The following GDAP2 variants were observed in gnomAD, a reference collection of about 807,000 sequenced individuals.
The protein encoded by GDAP2 is ganglioside induced differentiation associated protein 2.
Under a neutral mutation model 67.0 loss-of-function variants are expected in GDAP2, and 51 were observed. The observed-to-expected ratio is 0.76, with a 90% CI of 0.61 to 0.96. The LOEUF is 0.96. GDAP2 is among the 40% of genes least tolerant of loss of function. The pLI is 0.00. For missense variants in GDAP2, 547 were observed against 588.3 expected, an observed-to-expected ratio of 0.93 and a Z score of 0.73; for synonymous variants, 203 against 207.3, an observed-to-expected ratio of 0.98 and a Z score of 0.18.
chr1:117,901,488 T>A (rs1157021536), intron 6 of GDAP2, among the ~76,000 whole-genome samples: 1 of 152,218 alleles, frequency 6.6e-6, no homozygotes, highest in South Asian at 2.1e-4. Context: ...CAATTAACTA[T>A]CTACGAGGGT....
chr1:117,923,087 C>T lies in GDAP2; in HGVS notation c.-67-2663G>A, dbSNP rs183593880. On this transcript the variant is annotated intron_variant, in intron 1 of 13. Coordinates refer to ENST00000369443, the MANE Select transcript of GDAP2 (RefSeq NM_017686.4). Reference sequence around the variant, plus strand: ...TAAGAGAAATATGGCTCTGTCCTGCCCTGCCCACAGGCAGCCACACTTTAA... The same window carrying T: ...TAAGAGAAATATGGCTCTGTCCTGCTCTGCCCACAGGCAGCCACACTTTAA... Among the ~76,000 whole-genome samples, 1,406 of 152,316 alleles carry T rather than the reference C, an allele frequency of 9.2e-3. 11 individuals carry two copies. Among genetic ancestry groups the T allele is most frequent in the Non-Finnish European group, 0.015 (1,027 of 68,026 alleles).
chr1:117,916,056 C>T (rs1003188373), intron 3 of GDAP2, among the ~76,000 whole-genome samples: 5 of 152,170 alleles, frequency 3.3e-5, no homozygotes, highest in Non-Finnish European at 1.5e-5. Context: ...TAATAAAAGA[C>T]ATACAGTTCT....
chr1:117,894,796 G>C (rs182566819), intron 8 of GDAP2, among the ~76,000 whole-genome samples: 35 of 152,170 alleles, frequency 2.3e-4, no homozygotes, highest in African/African-American at 8.4e-4. Context: ...GACATTTCAA[G>C]AAAAATAATC....
intron 8 of GDAP2, among the ~76,000 whole-genome samples, chr1:117,891,189 G>A (rs1157557332): frequency 6.7e-6 from 1 of 149,090 alleles, no homozygotes. Context: ...CTCTCTCACT[G>A]ATGGGCACTT....
chr1:117,926,329 T>C (rs147434766), intron 1 of GDAP2, among the ~76,000 whole-genome samples: 1 of 152,340 alleles, frequency 6.6e-6, no homozygotes, highest in East Asian at 1.9e-4. Context: ...TTCTTTGACA[T>C]TATACCCTGG....
At chr1:117,876,925 A>C (rs1000379941) in intron 13 of GDAP2, among the ~76,000 whole-genome samples, 1 of 152,186 alleles carries the variant, frequency 6.6e-6, no homozygotes, top group Admixed American at 6.5e-5. Flanking sequence ...AGTGCCTTTC[A>C]CATTTTCTGC....
chr1:117,872,864 A>G (rs1296977296), intron 13 of GDAP2, among the ~76,000 whole-genome samples: 2 of 152,200 alleles, frequency 1.3e-5, no homozygotes. Flanking sequence ...AATTTTATAT[A>G]AAAAAGAAAT....
chr1:117,877,191 T>C (rs1400748666), intron 13 of GDAP2: 6 of 630,380 alleles, frequency 9.5e-6, no homozygotes, highest in African/African-American at 5.9e-5. Context: ...AAAAAAATTA[T>C]AGCTAAAGTT....
chr1:117,917,321 G>A (rs1650083321), intron 3 of GDAP2, among the ~76,000 whole-genome samples: 1 of 152,216 alleles, frequency 6.6e-6, no homozygotes, highest in South Asian at 2.1e-4. Context: ...TGTAAAAAGG[G>A]GATAGGATTA....
At chr1:117,901,161 TG>T (rs1237231166) in intron 6 of GDAP2, among the ~76,000 whole-genome samples, 2 of 152,246 alleles carry the variant, frequency 1.3e-5, no homozygotes, top group Non-Finnish European at 2.9e-5. Flanking sequence ...TCACCCATGT[TG>T]TAGCATGTAT....
rs1648200113 is a variant in GDAP2 at position 117,870,014 on chromosome 1, T to C, written c.*555A>G. 6.5e-6 allele frequency: 1 copy of C among 152,702 alleles called. No homozygotes were observed. Among genetic ancestry groups the C allele is most frequent in the Non-Finnish European group, 1.5e-5 (1 of 68,432 alleles). The allele number at this position is 152,702 out of a possible 1,614,324, so 9.5% of individuals were successfully genotyped here. A position where few individuals can be genotyped will look rare whatever the true frequency, so the allele number is the denominator to read the frequency against. ...GTACATTAACATTCTAAGTCCTATG[T>C]TTTGCTAATGATTTTGATGTTTTTT... is the stretch of plus-strand genomic sequence containing the variant. On this transcript the variant is annotated 3_prime_UTR_variant, in exon 14 of 14. Coordinates refer to ENST00000369443, the MANE Select transcript of GDAP2 (RefSeq NM_017686.4).
In GDAP2 at chr1:117,870,544, C is replaced by A. The variant is rs1303314552; in HGVS notation, c.*25G>T. 2.0e-6 allele frequency: 3 copies of A among 1,503,304 alleles called. No homozygotes were observed. The highest frequency in any genetic ancestry group is 2.8e-6 in the Non-Finnish European group (3 of 1,079,412). 93.1% of individuals were successfully genotyped at this position (1,503,304 alleles called of 1,614,324 possible). A position where few individuals can be genotyped will look rare whatever the true frequency, so the allele number is the denominator to read the frequency against. On this transcript the variant is annotated 3_prime_UTR_variant, in exon 14 of 14. Transcript: ENST00000369443. ...CGTGGAGGAAGTGGCATCCTGGGAACCAAGAAGCACTGAAAGATGGCAGGT... is the reference window on the plus strand; with the variant it reads ...CGTGGAGGAAGTGGCATCCTGGGAAACAAGAAGCACTGAAAGATGGCAGGT...
intron 11 of GDAP2, 120 bp downstream of exon 11, chr1:117,883,368 T>A: frequency 1.4e-6 from 1 of 694,648 alleles, no homozygotes; most frequent in Non-Finnish European, 2.4e-6. Context: ...AATCTAGGTA[T>A]GATAAAAGTC....
chr1:117,871,266 T>C (rs142932675), intron 13 of GDAP2, among the ~76,000 whole-genome samples: 75 of 152,322 alleles, frequency 4.9e-4, no homozygotes, highest in African/African-American at 1.7e-3. Flanking sequence ...AAACCTTTAA[T>C]GTCAATGTAA....
chr1:117,873,597 C>T (rs1648360796), intron 13 of GDAP2, among the ~76,000 whole-genome samples: 1 of 152,132 alleles, frequency 6.6e-6, no homozygotes, highest in Non-Finnish European at 1.5e-5. Flanking sequence ...TAACATGCAG[C>T]TACCTACTGG....
intron 13 of GDAP2, among the ~76,000 whole-genome samples, chr1:117,870,919 T>G (rs1184681481): frequency 1.3e-5 from 2 of 152,180 alleles, no homozygotes; most frequent in African/African-American, 4.8e-5. Context: ...TGCCATGAAG[T>G]AGGTAACATC....
At position 117,918,636 on chromosome 1, in the gene GDAP2, C is replaced by A. The variant is rs775040148; in HGVS notation, c.277G>T (p.Ala93Ser). The A allele has an allele frequency of 2.5e-5, 41 of 1,610,004 alleles. No individual in the cohort carries two copies. Among genetic ancestry groups the A allele is most frequent in the Non-Finnish European group, 3.5e-5 (41 of 1,176,504 alleles). Residue 93 changes from alanine (A) to serine (S), a missense_variant, in exon 3 of 14, where the codon GCA (alanine) becomes TCA (serine). By Grantham distance (99) the Ala-to-Ser change is moderately conservative (BLOSUM62 1). Coordinates refer to ENST00000369443, the MANE Select transcript of GDAP2 (RefSeq NM_017686.4). ...AGATCTTCCTTCAAATCAGGCCCTG[C>A]AAGCATGAAGATACTTTCTGACACA... ...NPVSESIFML[A>S]GPDLKEDLQK...
At chr1:117,919,323 G>C (rs929273112) in intron 2 of GDAP2, among the ~76,000 whole-genome samples, 1 of 149,222 alleles carries the variant, frequency 6.7e-6, no homozygotes, top group African/African-American at 2.5e-5. Flanking sequence ...GCAGTGAGCC[G>C]AGATCACGCC....
intron 6 of GDAP2, among the ~76,000 whole-genome samples, chr1:117,900,475 A>G (rs1379755920): frequency 1.3e-5 from 2 of 152,180 alleles, no homozygotes; most frequent in Non-Finnish European, 2.9e-5. Flanking sequence ...TTTCATAAAA[A>G]TGGAATACAG....
Sources: gnomAD v4.1 joint callset for allele counts (sites outside exome capture counted in the v4.1 genomes callset) on GRCh38, gnomAD v4.1.1 for gene constraint, MANE v1.5 for transcripts, NCBI Gene and HGNC (gene_info 2026-07-23, HGNC 2026-07-21) for gene names.